Variants in NFASC observed in about 807,000 individuals in gnomAD.
NFASC encodes the protein neurofascin homolog.
A neutral mutation model predicts 147.5 loss-of-function variants in NFASC; 43 were observed. That is an observed-to-expected ratio of 0.29 (90% confidence interval 0.23 to 0.38). The LOEUF (loss-of-function observed/expected upper bound fraction) is 0.38, where lower values mean the gene tolerates loss of function less well. NFASC is among the 10% of genes least tolerant of loss of function. NFASC has a pLI of 1.00. For missense variants in NFASC, 1,320 were observed against 1,689.0 expected (o/e 0.78, Z 3.83); for synonymous variants, 622 against 665.5 (o/e 0.93, Z 1.01).
At chr1:204,930,003 G>A in intron 2 of NFASC, among the ~76,000 whole-genome samples, 1 of 152,242 alleles carries the variant, frequency 6.6e-6, no homozygotes, top group Non-Finnish European at 1.5e-5. Context: ...GAGGGCAGGA[G>A]GGGAAGTGGC....
chr1:204,844,755 G>A (rs1369437856), intron 1 of NFASC, among the ~76,000 whole-genome samples: 2 of 152,162 alleles, frequency 1.3e-5, no homozygotes, highest in East Asian at 1.9e-4. Flanking sequence ...ATAAACTTGA[G>A]AGGGGCAGCT....
At chr1:204,912,577 T>C (rs1191973366) in intron 1 of NFASC, among the ~76,000 whole-genome samples, 1 of 151,998 alleles carries the variant, frequency 6.6e-6, no homozygotes, top group African/African-American at 2.4e-5. Flanking sequence ...GTGGCAAGCA[T>C]CTGTGGTCCC....
chr1:204,874,173 A>G (rs1289947423), intron 1 of NFASC, among the ~76,000 whole-genome samples: 3 of 152,140 alleles, frequency 2.0e-5, no homozygotes, highest in African/African-American at 4.8e-5. Context: ...CCCAGCCGAA[A>G]TCTTCCTGCG....
At chr1:204,991,566 C>T (rs1248217272) in intron 24 of NFASC, among the ~76,000 whole-genome samples, 1 of 152,248 alleles carries the variant, frequency 6.6e-6, no homozygotes, top group Non-Finnish European at 1.5e-5. Context: ...GTCACACACA[C>T]ACCGGCCCTG....
intron 23 of NFASC, 185 bp downstream of exon 23, chr1:204,988,991 C>T: frequency 1.6e-6 from 1 of 621,704 alleles, no homozygotes; most frequent in African/African-American, 1.8e-5. Flanking sequence ...GTATCTGGAG[C>T]TCAGCTCTCC....
At chr1:205,011,338 G>A (rs2096250846) in intron 28 of NFASC, among the ~76,000 whole-genome samples, 1 of 152,168 alleles carries the variant, frequency 6.6e-6, no homozygotes, top group African/African-American at 2.4e-5. Flanking sequence ...GGCAGGAAAT[G>A]ATTGTCCCTT....
intron 1 of NFASC, among the ~76,000 whole-genome samples, chr1:204,895,698 A>G (rs954667520): frequency 6.6e-6 from 1 of 152,216 alleles, no homozygotes; most frequent in Non-Finnish European, 1.5e-5. Context: ...TCCTGGTAAT[A>G]TCACTGATAT....
chr1:204,979,683 T>A lies in NFASC; in HGVS notation c.2176+124T>A. The A allele has an allele frequency of 2.4e-6, 2 of 839,340 alleles. No homozygotes were observed. The highest frequency in any genetic ancestry group is 4.0e-6 in the Non-Finnish European group (2 of 494,176). The allele number at this position is 839,340 out of a possible 1,614,324, so 52.0% of individuals were successfully genotyped here. ...AACTTCTCCAAGGCCCGGCCTCATC[T>A]GTGAGGCAGAGAGTAATAATAACAC... On this transcript the variant is annotated intron_variant, in intron 19 of 29. Transcript: ENST00000339876. This position sits in a 1 kb window ranked among gnomAD's most constrained non-coding sequence, Gnocchi z 6.0.
At chr1:204,925,536 A>T (rs1417171263) in intron 2 of NFASC, among the ~76,000 whole-genome samples, 3 of 152,162 alleles carry the variant, frequency 2.0e-5, no homozygotes, top group African/African-American at 7.2e-5. Flanking sequence ...TTCTGCTTTG[A>T]GTTAATACTC....
chr1:204,837,880 G>A (rs1674214300), intron 1 of NFASC, among the ~76,000 whole-genome samples: 2 of 152,168 alleles, frequency 1.3e-5, no homozygotes, highest in South Asian at 2.1e-4. Context: ...AAGACTGTGT[G>A]TCCACGTATG....
At chr1:204,935,636 G>A (rs371601744) in intron 2 of NFASC, among the ~76,000 whole-genome samples, 14 of 152,244 alleles carry the variant, frequency 9.2e-5, no homozygotes, top group African/African-American at 2.4e-4. Context: ...GCTGGCCAGC[G>A]TCTGATCTGT....
chr1:204,906,528 G>A (rs1466602776), intron 1 of NFASC, among the ~76,000 whole-genome samples: 1 of 152,140 alleles, frequency 6.6e-6, no homozygotes, highest in Non-Finnish European at 1.5e-5. Flanking sequence ...TGTATCAGTA[G>A]AACATTGCTT....
intron 1 of NFASC, among the ~76,000 whole-genome samples, chr1:204,867,034 C>CA (rs1384337465): frequency 6.6e-5 from 10 of 151,830 alleles, no homozygotes; most frequent in African/African-American, 1.7e-4. Flanking sequence ...GGCAAAGAAA[C>CA]AAAAAAAGCA....
intron 1 of NFASC, among the ~76,000 whole-genome samples, chr1:204,898,037 C>T (rs961258052): frequency 4.6e-5 from 7 of 152,180 alleles, no homozygotes; most frequent in Admixed American, 4.6e-4. Flanking sequence ...CGCACCAAGC[C>T]GCCTGGCTAA....
rs147385424 is a variant in NFASC, at chr1:204,993,741, G to A, written c.2782+2435G>A. 3,434 of 516,212 alleles carry A rather than the reference G, an allele frequency of 6.7e-3. 60 individuals carry two copies. Among genetic ancestry groups the A allele is most frequent in the South Asian group, 0.027 (1,898 of 70,780 alleles). 32.0% of individuals were successfully genotyped at this position (516,212 alleles called of 1,614,324 possible). On this transcript the variant is annotated intron_variant, in intron 24 of 29. Coordinates refer to ENST00000339876, the MANE Select transcript of NFASC (RefSeq NM_001005388.3). ...CTTCCAAACCTGTAGCTCCTATTGCGGCAGGAAATGACATCCTAGCCCAGT... is the reference window on the plus strand; with the variant it reads ...CTTCCAAACCTGTAGCTCCTATTGCAGCAGGAAATGACATCCTAGCCCAGT...
At chr1:204,945,292 G>C (rs1053838707) in intron 3 of NFASC, among the ~76,000 whole-genome samples, 1 of 152,298 alleles carries the variant, frequency 6.6e-6, no homozygotes, top group African/African-American at 2.4e-5. Context: ...TCTGACCCCT[G>C]TTCCTTGTGT....
chr1:204,871,136 C>CT, intron 1 of NFASC: 6 of 1,266,956 alleles, frequency 4.7e-6, no homozygotes, highest in Non-Finnish European at 6.2e-6. Flanking sequence ...CTGCTTTGGC[C>CT]TTCAAAGACT....
intron 1 of NFASC, among the ~76,000 whole-genome samples, chr1:204,873,466 G>A (rs375444462): frequency 7.2e-5 from 11 of 152,180 alleles, no homozygotes; most frequent in East Asian, 3.9e-4. Flanking sequence ...AACCACTCCC[G>A]TGGTTTAGTG....
chr1:204,960,827 G>A (rs2094627215), intron 8 of NFASC, among the ~76,000 whole-genome samples: 1 of 152,148 alleles, frequency 6.6e-6, no homozygotes, highest in African/African-American at 2.4e-5. Flanking sequence ...CAAACAGGCT[G>A]GGTCTTTACA....
Sources: gnomAD v4.1 joint callset for allele counts (sites outside exome capture counted in the v4.1 genomes callset) on GRCh38, gnomAD v4.1.1 for gene constraint, Gnocchi (gnomAD v3.1) non-coding constraint, MANE v1.5 for transcripts, NCBI Gene and HGNC (gene_info 2026-07-23, HGNC 2026-07-21) for gene names.